CNTNAP3: variants seen among roughly 807,000 people sequenced by gnomAD.
CNTNAP3 encodes the protein contactin-associated protein-like 3.
Under a neutral mutation model 92.1 loss-of-function variants are expected in CNTNAP3, and 36 were observed. That is an observed-to-expected ratio of 0.39 (90% CI 0.30 to 0.52). CNTNAP3 has a LOEUF of 0.52. Ranked by LOEUF, CNTNAP3 falls within the 20% of genes least tolerant of loss-of-function variation. The pLI is 0.76. For missense variants in CNTNAP3, 534 were observed against 1,069.6 expected, an observed-to-expected ratio of 0.50 and a Z score of 6.98; for synonymous variants, 232 against 422.3, an observed-to-expected ratio of 0.55 and a Z score of 5.53.
rs1820908598 is a variant in CNTNAP3, at chr9:39,118,250, G to A, written c.2090C>T (p.Pro697Leu). Residue 697 changes from proline (P) to leucine (L), a missense_variant, in exon 14 of 24, where the codon CCA becomes CTA. Transcript: ENST00000297668. ...ARRPDSRDGT[P>L]LSWWVGRTNE... is the part of the protein sequence containing the mutation. Reference sequence around the variant, plus strand: ...GGTTCTTCCAACCCACCAGCTCAGTGGGGTTCCATCTGAAAGACAAGTATA... The same window carrying A: ...GGTTCTTCCAACCCACCAGCTCAGTAGGGTTCCATCTGAAAGACAAGTATA... 1 of 1,612,526 alleles carries A rather than the reference G, an allele frequency of 6.2e-7. No individual in the cohort carries two copies. The highest frequency in any genetic ancestry group is 8.5e-7 in the Non-Finnish European group (1 of 1,179,594).
At position 39,065,950 on chromosome 9, in the gene CNTNAP3, T is replaced by C. The variant is rs922411964; in HGVS notation, c.*7940A>G. ...TTAACAATGTATTTTAAAAGGAGAGTTGTTAATCTTAAGGTCAAATTTATC... is the reference window on the plus strand; with the variant it reads ...TTAACAATGTATTTTAAAAGGAGAGCTGTTAATCTTAAGGTCAAATTTATC... On this transcript the variant is annotated 3_prime_UTR_variant, in exon 24 of 24. Transcript: ENST00000297668. Among the ~76,000 whole-genome samples the C allele has an allele frequency of 3.9e-5, 6 of 152,178 alleles. No individual in the cohort carries two copies. Among genetic ancestry groups the C allele is most frequent in the Admixed American group, 3.3e-4 (5 of 15,276 alleles).
intron 10 of CNTNAP3, among the ~76,000 whole-genome samples, chr9:39,146,703 G>GCAAA (rs201937339): frequency 0.066 from 10,002 of 151,834 alleles, 637 homozygotes; most frequent in African/African-American, 0.17. Context: ...AAACAAACAA[G>GCAAA]CAAACAAACA....
chr9:39,124,994 C>CA (rs1821123010), intron 13 of CNTNAP3, among the ~76,000 whole-genome samples: 1 of 152,054 alleles, frequency 6.6e-6, no homozygotes. Flanking sequence ...TTGACCCAGC[C>CA]ATCCCATTAC....
chr9:39,147,738 A>G (rs1292654618), intron 10 of CNTNAP3, among the ~76,000 whole-genome samples: 1 of 152,186 alleles, frequency 6.6e-6, no homozygotes, highest in Non-Finnish European at 1.5e-5. Flanking sequence ...GTTAGGCACC[A>G]ATGTAACTCT....
chr9:39,113,523 T>C (rs1328666596), intron 14 of CNTNAP3, among the ~76,000 whole-genome samples: 2 of 151,548 alleles, frequency 1.3e-5, no homozygotes, highest in Non-Finnish European at 3.0e-5. Flanking sequence ...TTTCTTTATA[T>C]TATTTTGGAT....
Position 39,078,750 on chromosome 9 carries a change from C to G in CNTNAP3, c.3613G>C (p.Ala1205Pro). 1 of 1,487,656 alleles carries G rather than the reference C, an allele frequency of 6.7e-7. No individual in the cohort carries two copies. 92.2% of individuals were successfully genotyped at this position (1,487,656 alleles called of 1,614,324 possible). ...GCCGGGGAGCCGGACGCCGCCCCCG[C>G]TGCGCAGCGGGCCATAGGGGCCACG... is the stretch of plus-strand genomic sequence containing the variant. The part of the protein sequence containing the change: ...GHVAPMARCA[A>P]GAASGSPARE... The change falls in exon 22 of 24, where the codon GCG becomes CCG. Residue 1205 changes from alanine (A) to proline (P), a missense_variant. By Grantham distance (27) the Ala-to-Pro change is conservative. Coordinates refer to ENST00000297668, the MANE Select transcript of CNTNAP3 (RefSeq NM_033655.5).
rs1043561926 is a variant in CNTNAP3 at position 39,086,043 on chromosome 9, A to G, written c.3355-220T>C. ...TCAGCTACCACTCTATCCACGATGT[A>G]CCCACTTGCTGGCTTTACTCTTCTT... On this transcript the variant is annotated intron_variant, in intron 20 of 23. Coordinates refer to ENST00000297668, the MANE Select transcript of CNTNAP3 (RefSeq NM_033655.5). 1.3e-5 allele frequency: 8 copies of G among 612,428 alleles called. No individual in the cohort carries two copies. In the Admixed American group the frequency reaches 2.1e-4, roughly 16 times the overall value. The allele number at this position is 612,428 out of a possible 1,614,324, so 37.9% of individuals were successfully genotyped here.
rs1183438474 is a variant in CNTNAP3, at chr9:39,066,461, T to G, written c.*7429A>C. Among the ~76,000 whole-genome samples the G allele has an allele frequency of 6.6e-6, 1 of 152,210 alleles. No individual in the cohort carries two copies. Among genetic ancestry groups the G allele is most frequent in the African/African-American group, 2.4e-5 (1 of 41,466 alleles). On this transcript the variant is annotated 3_prime_UTR_variant, in exon 24 of 24. Coordinates refer to ENST00000297668, the MANE Select transcript of CNTNAP3 (RefSeq NM_033655.5). The stretch of plus-strand genomic sequence containing the variant: ...CTCTTCATTTCTTTGTGTGGATCCA[T>G]GTTTCTATCTGCACAAAGATATTAT...
chr9:39,091,661 T>C (rs1826205669), intron 18 of CNTNAP3, among the ~76,000 whole-genome samples: 1 of 151,850 alleles, frequency 6.6e-6, no homozygotes, highest in Admixed American at 6.6e-5. Context: ...AGATTTAAAA[T>C]ATATATACTT....
At chr9:39,090,981 T>C (rs1826183102) in intron 18 of CNTNAP3, among the ~76,000 whole-genome samples, 1 of 152,134 alleles carries the variant, frequency 6.6e-6, no homozygotes, top group Non-Finnish European at 1.5e-5. Flanking sequence ...TATTTTCAGA[T>C]GGTTCACAGC....
Position 39,248,594 on chromosome 9 carries a change from AT to A in CNTNAP3, c.197-9409del, listed in dbSNP as rs201124962. Among the ~76,000 whole-genome samples, 3 of 30,630 alleles carry A rather than the reference AT, an allele frequency of 9.8e-5. 1 individual carries two copies. The highest frequency in any genetic ancestry group is 3.4e-4 in the African/African-American group (3 of 8,854). 20.1% of individuals were successfully genotyped at this position (30,630 alleles called of 152,430 possible). ...TTTGCATTTACTTTTTTTTTTTTAC[AT>A]TTTTTTTTACATTTTACAACAGGCA... On this transcript the variant is annotated intron_variant, in intron 2 of 23. Coordinates refer to ENST00000297668, the MANE Select transcript of CNTNAP3 (RefSeq NM_033655.5).
chr9:39,129,548 T>C (rs921586964), intron 13 of CNTNAP3, among the ~76,000 whole-genome samples: 3 of 152,170 alleles, frequency 2.0e-5, no homozygotes, highest in African/African-American at 7.2e-5. Context: ...TTCAAAAATC[T>C]TTGGAATTGG....
intron 9 of CNTNAP3, among the ~76,000 whole-genome samples, chr9:39,161,695 T>TAATAATAATAATAATAAA (rs35637989): frequency 7.8e-6 from 1 of 127,674 alleles, no homozygotes; most frequent in African/African-American, 3.0e-5. Context: ...ATAATAATAA[T>TAATAATAATAATAATAAA]AAATTAGCTG....
intron 13 of CNTNAP3, among the ~76,000 whole-genome samples, chr9:39,132,369 G>T (rs1366095487): frequency 6.6e-6 from 1 of 152,032 alleles, no homozygotes; most frequent in Non-Finnish European, 1.5e-5. Flanking sequence ...CATATATGAA[G>T]ATTAAGGTAT....
At chr9:39,135,265 TA>T (rs1486894290) in intron 12 of CNTNAP3, among the ~76,000 whole-genome samples, 1 of 152,078 alleles carries the variant, frequency 6.6e-6, no homozygotes, top group Non-Finnish European at 1.5e-5. Context: ...ATATAACCCT[TA>T]TATTTTTCTT....
intron 12 of CNTNAP3, among the ~76,000 whole-genome samples, chr9:39,136,445 T>C (rs1255010303): frequency 2.0e-5 from 3 of 152,110 alleles, no homozygotes; most frequent in Non-Finnish European, 4.4e-5. Flanking sequence ...CTTTATTTCT[T>C]CACTTTTCAA....
At chr9:39,104,834 C>A (rs938749647) in intron 15 of CNTNAP3, among the ~76,000 whole-genome samples, 5 of 152,172 alleles carry the variant, frequency 3.3e-5, no homozygotes, top group Non-Finnish European at 5.9e-5. Context: ...TGTGTCGCAG[C>A]AGCAGGCAGC....
At chr9:39,099,658 A>G (rs1303270672) in intron 18 of CNTNAP3, among the ~76,000 whole-genome samples, 1 of 152,216 alleles carries the variant, frequency 6.6e-6, no homozygotes, top group Non-Finnish European at 1.5e-5. Context: ...TTTCAAGAGG[A>G]TTAGCATTGA....
Position 39,132,998 on chromosome 9 carries a change from G to C in CNTNAP3, c.2014C>G (p.Leu672Val). 6.5e-7 allele frequency: 1 copy of C among 1,539,532 alleles called. No homozygotes were observed. Among genetic ancestry groups the C allele is most frequent in the Non-Finnish European group, 8.7e-7 (1 of 1,150,802 alleles). ...GAGQLRSAVN[L>V]AERCEQRLAL... ...AGCCGCTGCTCGCAGCGCTCCGCCA[G>C]GTTCACCGCGGACCGCAGCTGCCCC... The change falls in exon 13 of 24, where the codon CTG becomes GTG. Residue 672 changes from leucine (L) to valine (V), a missense_variant. Coordinates refer to ENST00000297668, the MANE Select transcript of CNTNAP3 (RefSeq NM_033655.5).
Sources: allele counts gnomAD v4.1 joint callset (sites outside exome capture counted in the v4.1 genomes callset), GRCh38; gene constraint gnomAD v4.1.1; transcripts MANE v1.5; gene names NCBI Gene and HGNC (gene_info 2026-07-23, HGNC 2026-07-21).